Variants in ODR4 observed in about 807,000 individuals in gnomAD.
ODR4 encodes the protein protein odr-4 homolog.
In ODR4, 47 loss-of-function variants were observed where a neutral mutation model predicts 60.2. That is an observed-to-expected ratio of 0.78 (90% CI 0.62 to 1.00). The LOEUF (loss-of-function observed/expected upper bound fraction) is 1.00, where lower values mean the gene tolerates loss of function less well. Among genes scored for constraint, ODR4 ranks in the 50% least tolerant of loss-of-function variants. The pLI is 0.00. For missense variants in ODR4, 488 were observed against 530.8 expected (o/e 0.92, Z 0.79); for synonymous variants, 178 against 175.5 (o/e 1.01, Z -0.11).
At chr1:186,382,249 T>TAAAA (rs1189752791) in intron 2 of ODR4, among the ~76,000 whole-genome samples, 2 of 79,948 alleles carry the variant, frequency 2.5e-5, no homozygotes, top group Non-Finnish European at 2.5e-5. Flanking sequence ...TACAAAAAAG[T>TAAAA]AAAAAAAAAA....
chr1:186,427,640 G>A, the ODR4 span, among the ~76,000 whole-genome samples: 1 of 152,168 alleles, frequency 6.6e-6, no homozygotes, highest in African/African-American at 2.4e-5. Flanking sequence ...AGTCACAAAT[G>A]TTCTTAATGA....
chr1:186,399,647 T>C (rs1216616381), intron 11 of ODR4, among the ~76,000 whole-genome samples: 1 of 152,160 alleles, frequency 6.6e-6, no homozygotes, highest in Non-Finnish European at 1.5e-5. Flanking sequence ...ATTTTAAAGT[T>C]AGTATTTTTT....
At position 186,419,382 on chromosome 1, in the gene ODR4, T is replaced by C; in HGVS notation, c.*306T>C. 1 of 338,542 alleles carries C rather than the reference T, an allele frequency of 3.0e-6. No homozygotes were observed. The highest frequency in any genetic ancestry group is 5.5e-6 in the Non-Finnish European group (1 of 180,816). The allele number at this position is 338,542 out of a possible 1,614,324, so 21.0% of individuals were successfully genotyped here. A position where few individuals can be genotyped will look rare whatever the true frequency, so the allele number is the denominator to read the frequency against. On this transcript the variant is annotated 3_prime_UTR_variant, in exon 14 of 14. Transcript: ENST00000287859. ...TGGGATATGATCATAGATTTTAGTC[T>C]TACTAATCTGAATCACATATTAATC... is the stretch of plus-strand genomic sequence containing the variant.
chr1:186,377,396 G>T (rs1023848624), intron 1 of ODR4, among the ~76,000 whole-genome samples: 3 of 152,100 alleles, frequency 2.0e-5, no homozygotes, highest in African/African-American at 7.2e-5. Context: ...AAATTTATCT[G>T]ACATTCAATC....
chr1:186,383,915 T>G (rs1660143820), intron 3 of ODR4, among the ~76,000 whole-genome samples: 1 of 152,056 alleles, frequency 6.6e-6, no homozygotes, highest in Non-Finnish European at 1.5e-5. Flanking sequence ...GGCAGGTGCC[T>G]GTAATCCCAG....
intron 11 of ODR4, among the ~76,000 whole-genome samples, chr1:186,400,012 G>C (rs549836603): frequency 1.0e-3 from 99 of 95,622 alleles, no homozygotes; most frequent in Middle Eastern, 9.6e-3. Flanking sequence ...TTTTTTTTGA[G>C]ACGGAGTTTC....
chr1:186,411,600 A>C lies in ODR4; in HGVS notation c.1186+5332A>C, dbSNP rs187283421. 9.5e-4 allele frequency among the ~76,000 whole-genome samples: 145 copies of C among 151,920 alleles called. 1 individual carries two copies. Among genetic ancestry groups the C allele is most frequent in the Non-Finnish European group, 1.4e-3 (98 of 67,918 alleles). ...CTCAGTAAGCTTTATCATTAGCATT[A>C]TTTGTACCTTGTGAAATATTAGCAT... On this transcript the variant is annotated intron_variant, in intron 12 of 13. Transcript: ENST00000287859.
intron 9 of ODR4, among the ~76,000 whole-genome samples, chr1:186,395,559 C>G (rs1660639681): frequency 6.6e-6 from 1 of 152,074 alleles, no homozygotes; most frequent in Non-Finnish European, 1.5e-5. Flanking sequence ...TAGTATTAAG[C>G]TTTTCTTTTA....
At chr1:186,400,247 C>T (rs1172137638) in intron 11 of ODR4, among the ~76,000 whole-genome samples, 1 of 151,604 alleles carries the variant, frequency 6.6e-6, no homozygotes, top group Non-Finnish European at 1.5e-5. Flanking sequence ...GTCTCGGCCT[C>T]CCAAAGTGCT....
intron 1 of ODR4, among the ~76,000 whole-genome samples, chr1:186,376,311 G>C (rs1187354748): frequency 6.6e-6 from 1 of 152,140 alleles, no homozygotes; most frequent in Non-Finnish European, 1.5e-5. Flanking sequence ...ATTGAAAACT[G>C]TTGTAACTGA....
chr1:186,386,896 G>A lies in ODR4; in HGVS notation c.330+813G>A, dbSNP rs185480640. Among the ~76,000 whole-genome samples, 1,030 of 152,256 alleles carry A rather than the reference G, an allele frequency of 6.8e-3. 13 individuals are homozygous for A. Among genetic ancestry groups the A allele is most frequent in the African/African-American group, 0.022 (926 of 41,540 alleles). ...TTTTTTGCTTAATTGCTGCACCAGAGAATTGGGTAACATAGTGTAAAAGTA... is the reference window on the plus strand; with the variant it reads ...TTTTTTGCTTAATTGCTGCACCAGAAAATTGGGTAACATAGTGTAAAAGTA... On this transcript the variant is annotated intron_variant, in intron 4 of 13. Coordinates refer to ENST00000287859, the MANE Select transcript of ODR4 (RefSeq NM_017847.6).
the ODR4 span, among the ~76,000 whole-genome samples, chr1:186,428,048 A>G: frequency 1.3e-5 from 2 of 152,314 alleles, no homozygotes; most frequent in East Asian, 1.9e-4. Flanking sequence ...GATTTTTGGA[A>G]TGGCAAAGGA....
Position 186,383,144 on chromosome 1 carries a change from A to G in ODR4, c.222A>G (p.Glu74=). 1.3e-6 allele frequency: 2 copies of G among 1,549,834 alleles called. No homozygotes were observed. Among genetic ancestry groups the G allele is most frequent in the East Asian group, 2.4e-5 (1 of 41,020 alleles). The change falls in exon 3 of 14, where the codon GAA becomes GAG. Residue 74 remains glutamate, a synonymous_variant. Transcript: ENST00000287859. The stretch of plus-strand genomic sequence containing the variant: ...ACTTGGATGAAGAATGGGCCACAGA[A>G]CATGCCTGCCAGGTTATCTTATTTT... ...LDNLDEEWAT[E]HACQVSRMLP... is the part of the protein sequence containing the mutation.
intron 1 of ODR4, among the ~76,000 whole-genome samples, chr1:186,376,432 G>C (rs1051686406): frequency 6.6e-6 from 1 of 152,154 alleles, no homozygotes; most frequent in South Asian, 2.1e-4. Context: ...TTACTCTTAT[G>C]AAAGAATTTG....
At chr1:186,379,634 G>C in intron 1 of ODR4, 133 bp from the exon 2 acceptor site, 1 of 520,514 alleles carries the variant, frequency 1.9e-6, no homozygotes, top group East Asian at 3.2e-5. Flanking sequence ...AATACACTAT[G>C]TAATAAGTAT....
intron 9 of ODR4, 51 bp downstream of exon 9, chr1:186,394,066 A>C: frequency 9.8e-7 from 1 of 1,022,450 alleles, no homozygotes; most frequent in Non-Finnish European, 1.4e-6. Flanking sequence ...AACCATAATG[A>C]AACTGTTTCT....
At chr1:186,392,834 C>G (rs1197212997) in intron 8 of ODR4, among the ~76,000 whole-genome samples, 1 of 152,004 alleles carries the variant, frequency 6.6e-6, no homozygotes, top group African/African-American at 2.4e-5. Context: ...GAAACCCTGT[C>G]TCTACTAAAA....
chr1:186,396,677 AGTCTTT>A (rs1660691007), intron 9 of ODR4, among the ~76,000 whole-genome samples: 1 of 151,998 alleles, frequency 6.6e-6, no homozygotes, highest in African/African-American at 2.4e-5. Context: ...GTGTGTGTAT[AGTCTTT>A]AATAGTCTAG....
rs750018274 is a variant in ODR4, at chr1:186,419,551, G to GAA, written c.*486_*487dup. On this transcript the variant is annotated 3_prime_UTR_variant, in exon 14 of 14. Coordinates refer to ENST00000287859, the MANE Select transcript of ODR4 (RefSeq NM_017847.6). ...ACATAATGAGATTCTGTCTCTACTG[G>GAA]AAAAAAAAAAAATTAGCTGGACATG... The GAA allele has an allele frequency of 2.1e-5, 3 of 146,238 alleles. No homozygotes were observed. The highest frequency in any genetic ancestry group is 6.8e-5 in the Admixed American group (1 of 14,720). 9.1% of individuals were successfully genotyped at this position (146,238 alleles called of 1,614,324 possible).
Sources: gnomAD v4.1 joint callset for allele counts (sites outside exome capture counted in the v4.1 genomes callset) on GRCh38, gnomAD v4.1.1 for gene constraint, MANE v1.5 for transcripts, NCBI Gene and HGNC (gene_info 2026-07-23, HGNC 2026-07-21) for gene names.